Variants in AMELY observed in about 807,000 individuals in gnomAD.
AMELY encodes amelogenin Y-linked.
Under a neutral mutation model 4.2 loss-of-function variants are expected in AMELY, and 4 were observed. The observed-to-expected ratio is 0.96, with a 90% CI of 0.47 to 2.19. AMELY has a LOEUF of 2.19. AMELY is among the 30% of genes most tolerant of loss of function. The probability of loss-of-function intolerance (pLI) is 0.02; values close to 1 mark genes in which losing one functional copy is unlikely to be tolerated. For missense variants in AMELY, 32 were observed against 41.5 expected (o/e 0.77, Z 0.63); for synonymous variants, 11 against 14.7 (o/e 0.75, Z 0.57).
chrY:6,884,545 A>G, intron 1 of AMELY, among the ~76,000 whole-genome samples: 1 of 33,170 alleles, frequency 3.0e-5, no homozygotes, highest in Non-Finnish European at 7.4e-5. Context: ...AGTTGGATAA[A>G]GAAGCAAGAC....
intron 1 of AMELY, among the ~76,000 whole-genome samples, chrY:6,880,648 C>T (rs2054074480): frequency 3.0e-5 from 1 of 33,011 alleles, no homozygotes; most frequent in South Asian, 6.9e-4. Flanking sequence ...GCTGTGACTC[C>T]GTCTGACCCT....
chrY:6,868,984 C>A, intron 4 of AMELY: 1 of 200,399 alleles, frequency 5.0e-6, no homozygotes, highest in South Asian at 3.6e-5. Context: ...ACATCCATCA[C>A]ACACATTCTT....
intron 1 of AMELY, among the ~76,000 whole-genome samples, chrY:6,874,461 G>C (rs2124081327): frequency 3.0e-5 from 1 of 33,530 alleles, no homozygotes; most frequent in African/African-American, 1.2e-4. Context: ...AGTCTCTCTG[G>C]TGTGATCTGC....
At chrY:6,885,393 T>C (rs942235133) in intron 1 of AMELY, among the ~76,000 whole-genome samples, 12 of 34,172 alleles carry the variant, frequency 3.5e-4, no homozygotes, top group South Asian at 1.3e-3. Flanking sequence ...GAGAATGGCA[T>C]GAGCCCAGGA....
At chrY:6,906,829 T>C in intron 1 of AMELY, among the ~76,000 whole-genome samples, 1 of 31,751 alleles carries the variant, frequency 3.1e-5, no homozygotes, top group South Asian at 7.5e-4. Flanking sequence ...GGCACCATAT[T>C]GGCTCAGTGC....
At chrY:6,876,192 A>G (rs2054071753) in intron 1 of AMELY, among the ~76,000 whole-genome samples, 1 of 33,520 alleles carries the variant, frequency 3.0e-5, no homozygotes, top group Non-Finnish European at 7.4e-5. Context: ...TTAAACATTT[A>G]AAAATTATCA....
At chrY:6,885,453 C>T (rs2054079483) in intron 1 of AMELY, among the ~76,000 whole-genome samples, 1 of 33,950 alleles carries the variant, frequency 2.9e-5, no homozygotes, top group African/African-American at 1.1e-4. Context: ...CCAGCCTGGG[C>T]GACAGAGCGA....
intron 2 of AMELY, among the ~76,000 whole-genome samples, chrY:6,873,378 T>TA (rs2054069868): frequency 3.0e-5 from 1 of 33,448 alleles, no homozygotes; most frequent in Admixed American, 2.8e-4. Context: ...CTCTACAAAT[T>TA]AGAGATGTGA....
intron 1 of AMELY, among the ~76,000 whole-genome samples, chrY:6,883,435 G>A: frequency 9.3e-5 from 3 of 32,120 alleles, no homozygotes; most frequent in Non-Finnish European, 2.3e-4. Flanking sequence ...ACACATCGGG[G>A]CCTGTTGGGG....
intron 1 of AMELY, among the ~76,000 whole-genome samples, chrY:6,899,809 G>A: frequency 3.0e-5 from 1 of 33,094 alleles, no homozygotes; most frequent in African/African-American, 1.2e-4. Context: ...CCATTTGGGA[G>A]GCCAAGGCGG....
chrY:6,886,140 A>G (rs2054079986), intron 1 of AMELY, among the ~76,000 whole-genome samples: 5 of 34,346 alleles, frequency 1.5e-4, no homozygotes, highest in African/African-American at 2.3e-4. Context: ...AACATTATCT[A>G]TCTAAAATAT....
intron 1 of AMELY, among the ~76,000 whole-genome samples, chrY:6,885,989 A>G: frequency 2.9e-5 from 1 of 34,273 alleles, no homozygotes; most frequent in African/African-American, 1.1e-4. Flanking sequence ...GTTCACCTGT[A>G]TAACAGACCT....
chrY:6,889,105 G>C (rs2054081692), intron 1 of AMELY, among the ~76,000 whole-genome samples: 1 of 30,305 alleles, frequency 3.3e-5, no homozygotes, highest in Non-Finnish European at 7.8e-5. Flanking sequence ...AGGAGGCTGA[G>C]GCAAGAGAAT....
At chrY:6,882,010 C>A (rs1047029552) in intron 1 of AMELY, among the ~76,000 whole-genome samples, 2 of 32,861 alleles carry the variant, frequency 6.1e-5, no homozygotes, top group Non-Finnish European at 1.5e-4. Context: ...CCATACTGCC[C>A]AAAGTAATTT....
chrY:6,899,197 A>T, intron 1 of AMELY, among the ~76,000 whole-genome samples: 1 of 33,714 alleles, frequency 3.0e-5, no homozygotes, highest in South Asian at 6.6e-4. Flanking sequence ...ATATTTTGGT[A>T]TTTTGTTCAC....
chrY:6,885,283 T>G (rs942211516), intron 1 of AMELY, among the ~76,000 whole-genome samples: 1 of 33,170 alleles, frequency 3.0e-5, no homozygotes, highest in African/African-American at 1.2e-4. Flanking sequence ...ATCGAGACCA[T>G]CCTAACACAG....
intron 1 of AMELY, among the ~76,000 whole-genome samples, chrY:6,877,166 C>T (rs2124081598): frequency 3.0e-5 from 1 of 32,922 alleles, no homozygotes; most frequent in East Asian, 8.3e-4. Flanking sequence ...TAACTCCCCA[C>T]AGCTTCTTTA....
At chrY:6,874,816 T>G in intron 1 of AMELY, among the ~76,000 whole-genome samples, 1 of 33,971 alleles carries the variant, frequency 2.9e-5, no homozygotes, top group Non-Finnish European at 7.4e-5. Context: ...ACAAGAAAAG[T>G]CTGTCCGTCT....
chrY:6,878,930 G>T (rs2054073160), intron 1 of AMELY, among the ~76,000 whole-genome samples: 1 of 33,773 alleles, frequency 3.0e-5, no homozygotes, highest in Non-Finnish European at 7.4e-5. Context: ...GTCTATCATT[G>T]TTGGACATTT....
Sources: gnomAD v4.1 joint callset for allele counts (sites outside exome capture counted in the v4.1 genomes callset) on GRCh38, gnomAD v4.1.1 for gene constraint, MANE v1.5 for transcripts, NCBI Gene and HGNC (gene_info 2026-07-23, HGNC 2026-07-21) for gene names.